PHF24: variants seen among roughly 807,000 people sequenced by gnomAD.
PHF24 encodes PHD finger protein 24, also known as Galpha inhibitory interacting protein.
Under a neutral mutation model 42.6 loss-of-function variants are expected in PHF24, and 25 were observed. The ratio of observed to expected loss-of-function variants is 0.59; its 90% CI spans 0.43 to 0.82. PHF24 has a LOEUF of 0.82. PHF24 is among the 40% of genes least tolerant of loss of function. The pLI is 0.00. For synonymous variants in PHF24, 185 were observed against 204.8 expected (o/e 0.90, Z 0.83); for missense variants, 470 against 538.1 (o/e 0.87, Z 1.25).
At chr9:34,804,004 G>A in the PHF24 span, among the ~76,000 whole-genome samples, 1 of 152,098 alleles carries the variant, frequency 6.6e-6, no homozygotes, top group African/African-American at 2.4e-5. Flanking sequence ...ACATGACTCT[G>A]AAACTGTCTC....
At chr9:34,809,700 G>A in the PHF24 span, among the ~76,000 whole-genome samples, 1 of 152,200 alleles carries the variant, frequency 6.6e-6, no homozygotes, top group Non-Finnish European at 1.5e-5. The surrounding 1 kb of genome is among the most constrained non-coding windows in gnomAD (Gnocchi z 4.1). Flanking sequence ...GGGCAGGAGC[G>A]GAACAAAGTG....
chr9:34,807,358 C>T, the PHF24 span, among the ~76,000 whole-genome samples: 32 of 152,210 alleles, frequency 2.1e-4, no homozygotes, highest in Admixed American at 5.2e-4. Context: ...CCTATTCTCT[C>T]TGCTAGTGGC....
At chr9:34,710,114 G>A in the PHF24 span, 1 of 1,550,068 alleles carries the variant, frequency 6.5e-7, no homozygotes, top group Non-Finnish European at 8.9e-7. Context: ...GGTGAGGTGG[G>A]CAGCTGCAAG....
chr9:34,741,078 G>A, the PHF24 span, among the ~76,000 whole-genome samples: 2 of 152,162 alleles, frequency 1.3e-5, no homozygotes, highest in South Asian at 2.1e-4. Context: ...TAGAGACGGG[G>A]TTTCACCATG....
At chr9:34,709,181 T>C in the PHF24 span, 1 of 633,870 alleles carries the variant, frequency 1.6e-6, no homozygotes, top group Non-Finnish European at 2.8e-6. Context: ...CCTCGGTCTC[T>C]CTGGACCTGG....
At chr9:34,908,847 T>C in the PHF24 span, among the ~76,000 whole-genome samples, 561 of 149,932 alleles carry the variant, frequency 3.7e-3, 4 homozygotes, top group African/African-American at 0.011. Context: ...CTTTTCTTTT[T>C]TTTTTTTTTT....
chr9:34,860,570 A>G, the PHF24 span, among the ~76,000 whole-genome samples: 494 of 151,452 alleles, frequency 3.3e-3, 2 homozygotes, highest in African/African-American at 0.012. Context: ...CCTTCCTTCT[A>G]TTTTTTTCTC....
At chr9:34,733,503 CTT>C in the PHF24 span, among the ~76,000 whole-genome samples, 4 of 140,266 alleles carry the variant, frequency 2.9e-5, no homozygotes, top group African/African-American at 2.6e-5. Flanking sequence ...TTCTGTGGGT[CTT>C]TTTTTTTTTT....
At chr9:34,701,565 C>T in the PHF24 span, among the ~76,000 whole-genome samples, 1 of 152,082 alleles carries the variant, frequency 6.6e-6, no homozygotes, top group African/African-American at 2.4e-5. The surrounding 1 kb of genome is among the most constrained non-coding windows in gnomAD (Gnocchi z 5.8). Context: ...GGTGAGCGGG[C>T]GTCCGAAGTC....
the PHF24 span, among the ~76,000 whole-genome samples, chr9:34,898,979 C>A: frequency 6.6e-6 from 1 of 152,202 alleles, no homozygotes; most frequent in African/African-American, 2.4e-5. Context: ...CAAAAATGGT[C>A]TCATGCCTTT....
At chr9:34,746,961 A>G in the PHF24 span, among the ~76,000 whole-genome samples, 11 of 152,348 alleles carry the variant, frequency 7.2e-5, no homozygotes, top group East Asian at 2.1e-3. Context: ...CACAAAAAGC[A>G]CTAATCATAA....
chr9:34,836,536 T>C, the PHF24 span, among the ~76,000 whole-genome samples: 1 of 152,236 alleles, frequency 6.6e-6, no homozygotes, highest in Non-Finnish European at 1.5e-5. Context: ...GAGATATCCC[T>C]GATGATGTAC....
At chr9:34,976,972 C>G (rs1827213166) in intron 5 of PHF24, 111 bp from the exon 6 acceptor site, 3 of 1,273,868 alleles carry the variant, frequency 2.4e-6, no homozygotes, top group Non-Finnish European at 3.2e-6. Flanking sequence ...CAGAAGGGCT[C>G]TGGGCAGCTT....
At chr9:34,935,771 T>C in the PHF24 span, among the ~76,000 whole-genome samples, 2 of 151,678 alleles carry the variant, frequency 1.3e-5, no homozygotes, top group African/African-American at 2.4e-5. Context: ...GTCAACAGTA[T>C]CTCACAACAT....
chr9:34,820,179 A>G, the PHF24 span, among the ~76,000 whole-genome samples: 2 of 150,496 alleles, frequency 1.3e-5, no homozygotes, highest in Admixed American at 1.3e-4. Flanking sequence ...ATATCCACAC[A>G]TAACATTTTA....
chr9:34,709,520 C>A, the PHF24 span: 2 of 1,614,142 alleles, frequency 1.2e-6, no homozygotes, highest in Middle Eastern at 1.6e-4. Flanking sequence ...CTTTGGAGCC[C>A]TTTCCTTTCT....
At chr9:34,936,550 C>T in the PHF24 span, among the ~76,000 whole-genome samples, 3 of 150,600 alleles carry the variant, frequency 2.0e-5, no homozygotes, top group African/African-American at 7.4e-5. Context: ...ATGTGAGGAG[C>T]CCCTCTGCCT....
At chr9:34,767,213 G>T in the PHF24 span, among the ~76,000 whole-genome samples, 1 of 152,230 alleles carries the variant, frequency 6.6e-6, no homozygotes, top group South Asian at 2.1e-4. Flanking sequence ...CATGCTGGCA[G>T]AACCACTGCT....
At chr9:34,953,501 G>C (rs1340015948), upstream of PHF24, among the ~76,000 whole-genome samples, 1 of 152,140 alleles carries the variant, frequency 6.6e-6, no homozygotes, top group Non-Finnish European at 1.5e-5. This position sits in a 1 kb window ranked among gnomAD's most constrained non-coding sequence, Gnocchi z 4.1. Context: ...GTGTTTCTTT[G>C]GTAGGACAGG....
Sources: allele counts gnomAD v4.1 joint callset (sites outside exome capture counted in the v4.1 genomes callset), GRCh38; gene constraint gnomAD v4.1.1; non-coding constraint Gnocchi (gnomAD v3.1); transcripts MANE v1.5; gene names NCBI Gene and HGNC (gene_info 2026-07-23, HGNC 2026-07-21).